Variants in KAZN observed in about 807,000 individuals in gnomAD.
KAZN encodes kazrin.
Under a neutral mutation model 87.4 loss-of-function variants are expected in KAZN, and 40 were observed. The observed-to-expected ratio is 0.46, with a 90% CI of 0.36 to 0.60. The LOEUF is 0.60. Among genes scored for constraint, KAZN ranks in the 20% least tolerant of loss-of-function variants. KAZN has a pLI of 0.00. For synonymous variants in KAZN, 466 were observed against 458.3 expected (o/e 1.02, Z -0.22); for missense variants, 898 against 1,073.9 (o/e 0.84, Z 2.29).
At chr1:14,517,771 G>A (rs1207550996) in intron 2 of KAZN, among the ~76,000 whole-genome samples, 1 of 152,168 alleles carries the variant, frequency 6.6e-6, no homozygotes, top group Non-Finnish European at 1.5e-5. Context: ...TTAAATACCA[G>A]GTCCACACAG....
At chr1:14,046,440 A>C (rs1158709715) in intron 1 of KAZN, among the ~76,000 whole-genome samples, 2 of 152,232 alleles carry the variant, frequency 1.3e-5, no homozygotes, top group Non-Finnish European at 2.9e-5. Context: ...AACCAAAAAT[A>C]AAAACATAAG....
intron 2 of KAZN, among the ~76,000 whole-genome samples, chr1:14,580,801 G>T (rs1675499514): frequency 6.6e-6 from 1 of 152,064 alleles, no homozygotes; most frequent in African/African-American, 2.4e-5. Flanking sequence ...CCAGATTCTT[G>T]GTCGATCATT....
chr1:14,046,731 G>T (rs920236157), intron 1 of KAZN, among the ~76,000 whole-genome samples: 12 of 152,206 alleles, frequency 7.9e-5, no homozygotes, highest in African/African-American at 2.4e-4. Flanking sequence ...TGCACTCAGT[G>T]AGTTTCTCAG....
At chr1:14,410,519 C>A (rs1021184193) in intron 2 of KAZN, among the ~76,000 whole-genome samples, 1 of 152,142 alleles carries the variant, frequency 6.6e-6, no homozygotes, top group Non-Finnish European at 1.5e-5. Flanking sequence ...TGAATCATGG[C>A]CACCCAAAGA....
At chr1:14,347,237 C>T (rs1658171666) in intron 2 of KAZN, among the ~76,000 whole-genome samples, 1 of 152,172 alleles carries the variant, frequency 6.6e-6, no homozygotes, top group Admixed American at 6.5e-5. Context: ...TGGCTGGGCA[C>T]TGCACAATCC....
At chr1:14,647,958 CT>C (rs1680931989) in intron 1 of KAZN, among the ~76,000 whole-genome samples, 1 of 152,196 alleles carries the variant, frequency 6.6e-6, no homozygotes, top group Non-Finnish European at 1.5e-5. Context: ...TCCTTCCCAG[CT>C]GACCTTTCTG....
chr1:15,026,315 C>A (rs1194082849), intron 2 of KAZN, among the ~76,000 whole-genome samples: 1 of 152,164 alleles, frequency 6.6e-6, no homozygotes, highest in Non-Finnish European at 1.5e-5. Flanking sequence ...TAGAGCCTTG[C>A]CAGGTGGAGA....
intron 2 of KAZN, among the ~76,000 whole-genome samples, chr1:14,431,676 G>C (rs1271029888): frequency 6.6e-6 from 1 of 152,120 alleles, no homozygotes; most frequent in Non-Finnish European, 1.5e-5. Context: ...GGGTCTTCTG[G>C]CTTCCTTCTT....
At chr1:13,951,855 C>A (rs1420695163) in intron 1 of KAZN, among the ~76,000 whole-genome samples, 1 of 152,136 alleles carries the variant, frequency 6.6e-6, no homozygotes, top group Non-Finnish European at 1.5e-5. Context: ...AGTAAAAGTG[C>A]CTTAAGACAC....
chr1:14,735,516 C>G lies in KAZN; in HGVS notation c.226+136293C>G, dbSNP rs1643874701. On this transcript the variant is annotated intron_variant, in intron 1 of 14. Transcript: ENST00000376030. The surrounding 1 kb of genome is among the most constrained non-coding windows in gnomAD (Gnocchi z 4.3). ...ACCCCCATACACAAAGCCTGAGTGT[C>G]AAAGCCTCGCTGGTAGCCAGGCTCA... Among the ~76,000 whole-genome samples, 1 of 152,146 alleles carries G rather than the reference C, an allele frequency of 6.6e-6. No individual in the cohort carries two copies. The highest frequency in any genetic ancestry group is 1.5e-5 in the Non-Finnish European group (1 of 68,018).
intron 1 of KAZN, among the ~76,000 whole-genome samples, chr1:13,927,972 T>C (rs1640351259): frequency 6.6e-6 from 1 of 152,056 alleles, no homozygotes. Flanking sequence ...TGGCAGTGGG[T>C]TCAAGGAACA....
chr1:14,330,312 CTT>C (rs1164412716), intron 2 of KAZN, among the ~76,000 whole-genome samples: 1 of 152,186 alleles, frequency 6.6e-6, no homozygotes, highest in Non-Finnish European at 1.5e-5. Context: ...TCCCAATGCT[CTT>C]ATCTCTTTCC....
At chr1:14,589,000 C>T (rs796110995) in intron 2 of KAZN, among the ~76,000 whole-genome samples, 5 of 152,248 alleles carry the variant, frequency 3.3e-5, no homozygotes, top group African/African-American at 1.2e-4. Context: ...GGATGCAGAA[C>T]ACCAGAGCAG....
At chr1:14,493,206 C>T (rs528630177) in intron 2 of KAZN, among the ~76,000 whole-genome samples, 7 of 152,284 alleles carry the variant, frequency 4.6e-5, no homozygotes, top group African/African-American at 1.2e-4. Context: ...GCTGTACACT[C>T]ATCTGTGTCT....
At chr1:14,390,348 G>T (rs908422818) in intron 2 of KAZN, among the ~76,000 whole-genome samples, 2 of 152,128 alleles carry the variant, frequency 1.3e-5, no homozygotes, top group African/African-American at 4.8e-5. Context: ...TGTAAACTTC[G>T]AAGAAAATAT....
chr1:15,097,994 G>A (rs1461851044), intron 10 of KAZN, among the ~76,000 whole-genome samples: 1 of 152,158 alleles, frequency 6.6e-6, no homozygotes, highest in Non-Finnish European at 1.5e-5. Flanking sequence ...GTGTGTCCCA[G>A]ACCCTGTGTT....
At chr1:14,021,388 G>A (rs1640817642) in intron 1 of KAZN, among the ~76,000 whole-genome samples, 1 of 152,218 alleles carries the variant, frequency 6.6e-6, no homozygotes, top group Admixed American at 6.5e-5. Flanking sequence ...TATAGGATCA[G>A]TATCTGCATT....
At chr1:14,891,316 C>G (rs926248551) in intron 1 of KAZN, among the ~76,000 whole-genome samples, 1 of 152,116 alleles carries the variant, frequency 6.6e-6, no homozygotes, top group African/African-American at 2.4e-5. Flanking sequence ...CCCCTTCCCA[C>G]CCTTTACCCT....
intron 2 of KAZN, among the ~76,000 whole-genome samples, chr1:14,535,257 T>C (rs1672420631): frequency 6.6e-6 from 1 of 152,196 alleles, no homozygotes; most frequent in Admixed American, 6.5e-5. Context: ...GAGCCACCCC[T>C]ATGCCCCTTC....
Sources: allele counts gnomAD v4.1 joint callset (sites outside exome capture counted in the v4.1 genomes callset), GRCh38; gene constraint gnomAD v4.1.1; non-coding constraint Gnocchi (gnomAD v3.1); transcripts MANE v1.5; gene names NCBI Gene and HGNC (gene_info 2026-07-23, HGNC 2026-07-21).